The following SLC27A4 variants were observed in gnomAD, a reference collection of about 807,000 sequenced individuals.
The protein encoded by SLC27A4 is long-chain fatty acid transport protein 4.
A neutral mutation model predicts 64.4 loss-of-function variants in SLC27A4; 33 were observed. The observed-to-expected ratio is 0.51, with a 90% confidence interval of 0.39 to 0.68. The LOEUF (loss-of-function observed/expected upper bound fraction) is 0.68, where lower values mean the gene tolerates loss of function less well. SLC27A4 is among the 30% of genes least tolerant of loss of function. The pLI is 0.00. For synonymous variants in SLC27A4, 377 were observed against 370.0 expected, an observed-to-expected ratio of 1.02 and a Z score of -0.22; for missense variants, 824 against 883.5, an observed-to-expected ratio of 0.93 and a Z score of 0.85.
rs113715668 is a variant in SLC27A4, at chr9:128,357,725, G to C, written c.1774+1929G>C. ...CCCATACCTGCCCCTGCTTTCCTCAGCCCTTGGTGCCTCTTCTGGGCCCTC... is the reference window on the plus strand; with the variant it reads ...CCCATACCTGCCCCTGCTTTCCTCACCCCTTGGTGCCTCTTCTGGGCCCTC... On this transcript the variant is annotated intron_variant, in intron 12 of 12. Transcript: ENST00000300456. 7.4e-4 allele frequency among the ~76,000 whole-genome samples: 112 copies of C among 152,330 alleles called. 4 individuals are homozygous for C. Among genetic ancestry groups the C allele is most frequent in the African/African-American group, 2.4e-3 (99 of 41,582 alleles).
At position 128,353,055 on chromosome 9, in the gene SLC27A4, T is replaced by C. The variant is rs767622112; in HGVS notation, c.1018T>C (p.Tyr340His). Residue 340 changes from tyrosine to histidine, a missense_variant, in exon 8 of 13, where the codon TAC becomes CAC. Tyr to His is a moderately conservative substitution (Grantham distance 83). Coordinates refer to ENST00000300456, the MANE Select transcript of SLC27A4 (RefSeq NM_005094.4). This position sits in a 1 kb window ranked among gnomAD's most constrained non-coding sequence, Gnocchi z 4.9. Reference sequence around the variant, plus strand: ...GCAGTACATTGGTGAACTGTGCCGCTACCTCCTGAACCAGCCACCGCGGGA... The same window carrying C: ...GCAGTACATTGGTGAACTGTGCCGCCACCTCCTGAACCAGCCACCGCGGGA... ...IVQYIGELCR[Y>H]LLNQPPREAE... is the part of the protein sequence containing the mutation. 6.2e-7 allele frequency: 1 copy of C among 1,614,008 alleles called. No individual in the cohort carries two copies. Among genetic ancestry groups the C allele is most frequent in the East Asian group, 2.2e-5 (1 of 44,872 alleles).
Position 128,353,356 on chromosome 9 carries a change from C to G in SLC27A4, c.1198-59C>G. Reference sequence around the variant, plus strand: ...GGGTGCTGGAGTCCCACTTCCCCCTCATTGTCCAGTTTTGGGCCCATGGTG... The same window carrying G: ...GGGTGCTGGAGTCCCACTTCCCCCTGATTGTCCAGTTTTGGGCCCATGGTG... On this transcript the variant is annotated intron_variant, in intron 8 of 12. Coordinates refer to ENST00000300456, the MANE Select transcript of SLC27A4 (RefSeq NM_005094.4). This position sits in a 1 kb window ranked among gnomAD's most constrained non-coding sequence, Gnocchi z 4.9. 2.5e-6 allele frequency: 4 copies of G among 1,613,842 alleles called. No homozygotes were observed. The highest frequency in any genetic ancestry group is 3.4e-6 in the Non-Finnish European group (4 of 1,179,844).
chr9:128,360,763 T>C lies in SLC27A4; in HGVS notation c.*272T>C. On this transcript the variant is annotated 3_prime_UTR_variant, in exon 13 of 13. Coordinates refer to ENST00000300456, the MANE Select transcript of SLC27A4 (RefSeq NM_005094.4). The stretch of plus-strand genomic sequence containing the variant: ...AGACTGACGGGTTTTCTCAGGATGA[T>C]GTCTTGGGTGAGGGTAGGGAGAGGA... 2.1e-6 allele frequency: 1 copy of C among 485,862 alleles called. No individual in the cohort carries two copies. Among genetic ancestry groups the C allele is most frequent in the Non-Finnish European group, 3.8e-6 (1 of 264,054 alleles). The allele number at this position is 485,862 out of a possible 1,614,324, so 30.1% of individuals were successfully genotyped here. A position where few individuals can be genotyped will look rare whatever the true frequency, so the allele number is the denominator to read the frequency against.
intron 12 of SLC27A4, among the ~76,000 whole-genome samples, chr9:128,356,453 G>T (rs1832821388): frequency 6.6e-6 from 1 of 152,246 alleles, no homozygotes; most frequent in Admixed American, 6.5e-5. Context: ...CCAGGGCCTT[G>T]CAGGCCAGGG....
chr9:128,353,986 G>A lies in SLC27A4; in HGVS notation c.1324+445G>A, dbSNP rs1425692919. ...TCTCGATCTCCTGACCTCGTGATCC[G>A]CCCGCCTCGGCCTCCCAAAGTGCTG... is the stretch of plus-strand genomic sequence containing the variant. On this transcript the variant is annotated intron_variant, in intron 9 of 12. Transcript: ENST00000300456. This position sits in a 1 kb window ranked among gnomAD's most constrained non-coding sequence, Gnocchi z 4.9. Among the ~76,000 whole-genome samples, 4 of 151,258 alleles carry A rather than the reference G, an allele frequency of 2.6e-5. No individual in the cohort carries two copies. The East Asian group carries it at 5.8e-4, about 22-fold the overall frequency.
In SLC27A4 at chr9:128,353,084, A is replaced by G. The variant is rs958492814; in HGVS notation, c.1047A>G (p.Ala349=). The G allele has an allele frequency of 2.5e-5, 40 of 1,614,176 alleles. No individual in the cohort carries two copies. Among genetic ancestry groups the G allele is most frequent in the Non-Finnish European group, 3.3e-5 (39 of 1,180,020 alleles). The stretch of plus-strand genomic sequence containing the variant: ...TCCTGAACCAGCCACCGCGGGAGGC[A>G]GAAAACCAGCACCAGGTTCGCATGG... ...RYLLNQPPRE[A]ENQHQVRMAL... The change falls in exon 8 of 13, where the codon GCA becomes GCG. Residue 349 remains alanine, a synonymous_variant. Coordinates refer to ENST00000300456, the MANE Select transcript of SLC27A4 (RefSeq NM_005094.4). The surrounding 1 kb of genome is among the most constrained non-coding windows in gnomAD (Gnocchi z 4.9).
In SLC27A4 at chr9:128,353,166, A is replaced by G; in HGVS notation, c.1129A>G (p.Ile377Val). The G allele has an allele frequency of 6.2e-7, 1 of 1,614,172 alleles. No individual in the cohort carries two copies. Among genetic ancestry groups the G allele is most frequent in the Non-Finnish European group, 8.5e-7 (1 of 1,180,024 alleles). ...IWTNFSSRFH[I>V]PQVAEFYGAT... ...GACCAACTTTTCCAGCCGCTTCCAC[A>G]TACCCCAGGTGGCTGAGTTCTACGG... is the stretch of plus-strand genomic sequence containing the variant. The change falls in exon 8 of 13, where the codon ATA becomes GTA. Residue 377 changes from isoleucine to valine, a missense_variant. Transcript: ENST00000300456. This position sits in a 1 kb window ranked among gnomAD's most constrained non-coding sequence, Gnocchi z 4.9.
At position 128,340,772 on chromosome 9, in the gene SLC27A4, A is replaced by G. The variant is rs1386567550; in HGVS notation, c.-73A>G. On this transcript the variant is annotated 5_prime_UTR_variant, in exon 1 of 13. Transcript: ENST00000300456. ...CGTCCAGGGGCGGCTAATGCCCCTC[A>G]CGCTGTCTACGCTGCTGCAACCGGG... 4 of 679,122 alleles carry G rather than the reference A, an allele frequency of 5.9e-6. No individual in the cohort carries two copies. In the Admixed American group the frequency reaches 8.4e-5, roughly 14 times the overall value. The allele number at this position is 679,122 out of a possible 1,614,324, so 42.1% of individuals were successfully genotyped here. A position where few individuals can be genotyped will look rare whatever the true frequency, so the allele number is the denominator to read the frequency against.
rs1832770590 is a variant in SLC27A4 at position 128,353,539 on chromosome 9, C to G, written c.1322C>G (p.Pro441Arg). 1 of 1,613,804 alleles carries G rather than the reference C, an allele frequency of 6.2e-7. No individual in the cohort carries two copies. Among genetic ancestry groups the G allele is most frequent in the African/African-American group, 1.3e-5 (1 of 74,882 alleles). ...GPDGVCIPCQ[P>R]GEPGQLVGRI... ...GACGGCGTCTGCATTCCCTGCCAGC[C>G]AGGTCTGCCACTTCGGGGTCAGAGA... is the stretch of plus-strand genomic sequence containing the variant. The change falls in exon 9 of 13, where the codon CCA becomes CGA. Residue 441 changes from proline (P) to arginine (R), a missense_variant and splice_region_variant. Coordinates refer to ENST00000300456, the MANE Select transcript of SLC27A4 (RefSeq NM_005094.4). The surrounding 1 kb of genome is among the most constrained non-coding windows in gnomAD (Gnocchi z 4.9).
At chr9:128,352,395 T>TA (rs2131264466) in intron 6 of SLC27A4, among the ~76,000 whole-genome samples, 1 of 152,110 alleles carries the variant, frequency 6.6e-6, no homozygotes, top group Admixed American at 6.5e-5. Context: ...TCCAGGTGCT[T>TA]AGAGTCGGGT....
At chr9:128,344,530 CAAAAA>C (rs376020512) in intron 2 of SLC27A4, among the ~76,000 whole-genome samples, 1 of 150,336 alleles carries the variant, frequency 6.7e-6, no homozygotes, top group Admixed American at 6.6e-5. Context: ...AAAAAAAAAA[CAAAAA>C]AACAAAGGTG....
Position 128,353,593 on chromosome 9 carries a change from G to A in SLC27A4, c.1324+52G>A. The stretch of plus-strand genomic sequence containing the variant: ...AGGGGTTGGCCTGGGAAGGAAGGAG[G>A]CCAGGCGCGTGTGGATGGGGAGCCT... On this transcript the variant is annotated intron_variant, in intron 9 of 12. Coordinates refer to ENST00000300456, the MANE Select transcript of SLC27A4 (RefSeq NM_005094.4). The surrounding 1 kb of genome is among the most constrained non-coding windows in gnomAD (Gnocchi z 4.9). The A allele has an allele frequency of 6.3e-7, 1 of 1,599,282 alleles. No individual in the cohort carries two copies. Among genetic ancestry groups the A allele is most frequent in the Non-Finnish European group, 8.5e-7 (1 of 1,170,358 alleles).
chr9:128,343,020 AC>A, intron 1 of SLC27A4, 106 bp from the exon 2 acceptor site: 2 of 1,426,664 alleles, frequency 1.4e-6, no homozygotes, highest in Non-Finnish European at 1.9e-6. Flanking sequence ...GCTAAGCCTT[AC>A]CACAGGCTGT....
At chr9:128,349,447 A>G (rs1191239519) in intron 4 of SLC27A4, among the ~76,000 whole-genome samples, 1 of 152,196 alleles carries the variant, frequency 6.6e-6, no homozygotes, top group Non-Finnish European at 1.5e-5. Flanking sequence ...GTTGAAAAAA[A>G]TACAGTGGGG....
chr9:128,355,534 C>G lies in SLC27A4; in HGVS notation c.1599C>G (p.Asp533Glu). 6.2e-7 allele frequency: 1 copy of G among 1,612,276 alleles called. No homozygotes were observed. Among genetic ancestry groups the G allele is most frequent in the South Asian group, 1.1e-5 (1 of 91,082 alleles). ...GTLSRLLDMA[D>E]VAVYGVEVPG... ...TCAGCCGCCTGCTGGACATGGCTGA[C>G]GTGGCCGTGTATGGTGTCGAGGTGC... Residue 533 changes from aspartate (D) to glutamate (E), a missense_variant, in exon 11 of 13, where the codon GAC (aspartate) becomes GAG (glutamate). By Grantham distance (45) the Asp-to-Glu change is conservative. Coordinates refer to ENST00000300456, the MANE Select transcript of SLC27A4 (RefSeq NM_005094.4).
chr9:128,343,140 T>A lies in SLC27A4; in HGVS notation c.8T>A (p.Leu3His). ...CTGTGTCCGCAGGCCACAATGCTGC[T>A]TGGAGCCTCTCTGGTGGGGGTGCTG... ML[L>H]GASLVGVLLF... is the part of the protein sequence containing the mutation. Residue 3 changes from leucine to histidine, a missense_variant, in exon 2 of 13, where the codon CTT (leucine) becomes CAT (histidine). Transcript: ENST00000300456. 1 of 1,613,728 alleles carries A rather than the reference T, an allele frequency of 6.2e-7. No individual in the cohort carries two copies. The highest frequency in any genetic ancestry group is 1.7e-5 in the Admixed American group (1 of 60,012).
At position 128,348,724 on chromosome 9, in the gene SLC27A4, A is replaced by G. The variant is rs778193854; in HGVS notation, c.715+21A>G. ...CACAGGTGGGCTCCATCCCCTCCCC[A>G]TAGAGGGGCTCTCACACAGGCCCTG... On this transcript the variant is annotated intron_variant, in intron 4 of 12. Coordinates refer to ENST00000300456, the MANE Select transcript of SLC27A4 (RefSeq NM_005094.4). The G allele has an allele frequency of 6.8e-6, 11 of 1,609,414 alleles. No individual in the cohort carries two copies. The South Asian group carries it at 1.1e-4, about 16-fold the overall frequency.
intron 12 of SLC27A4, among the ~76,000 whole-genome samples, chr9:128,356,126 G>A (rs1832817221): frequency 6.6e-6 from 1 of 152,172 alleles, no homozygotes; most frequent in African/African-American, 2.4e-5. Context: ...CACATAATCT[G>A]TCATGAGATT....
intron 11 of SLC27A4, 36 bp downstream of exon 11, chr9:128,355,598 G>T: frequency 6.2e-7 from 1 of 1,607,152 alleles, no homozygotes. Flanking sequence ...GGGTAGGGAG[G>T]CACCACCCAG....
Sources: allele counts gnomAD v4.1 joint callset (sites outside exome capture counted in the v4.1 genomes callset), GRCh38; gene constraint gnomAD v4.1.1; non-coding constraint Gnocchi (gnomAD v3.1); transcripts MANE v1.5; gene names NCBI Gene and HGNC (gene_info 2026-07-23, HGNC 2026-07-21).